FBXO43: variants seen among roughly 807,000 people sequenced by gnomAD.
FBXO43 encodes F-box protein 43, also known as F-box only protein 43.
In FBXO43, 22 loss-of-function variants were observed where a neutral mutation model predicts 56.7. The observed-to-expected ratio is 0.39, with a 90% CI of 0.28 to 0.55. The LOEUF is 0.55. Among genes scored for constraint, FBXO43 ranks in the 20% least tolerant of loss-of-function variants. The pLI is 0.66. For missense variants in FBXO43, 733 were observed against 814.9 expected, an observed-to-expected ratio of 0.90 and a Z score of 1.22; for synonymous variants, 306 against 294.5, an observed-to-expected ratio of 1.04 and a Z score of -0.40.
chr8:100,144,674 G>T (rs1325997031), intron 1 of FBXO43, among the ~76,000 whole-genome samples: 1 of 150,348 alleles, frequency 6.7e-6, no homozygotes, highest in Admixed American at 6.6e-5. Flanking sequence ...GCTCACGCCC[G>T]TAATCCCAGC....
chr8:100,144,764 C>T (rs1201452665), intron 1 of FBXO43, among the ~76,000 whole-genome samples: 19 of 151,636 alleles, frequency 1.3e-4, no homozygotes, highest in East Asian at 1.9e-4. Flanking sequence ...ACCCCGTCTC[C>T]ACTAAAAATA....
chr8:100,137,580 C>A lies in FBXO43; in HGVS notation c.1659G>T (p.Leu553=). ...NRRRKFYITQ[L]KTDSEGAVLN... is the part of the protein sequence containing the mutation. Reference sequence around the variant, plus strand: ...CATACATTACCTCAGAATCTGTTTTCAGTTGTGTGATATAAAATTTCCTCC... The same window carrying A: ...CATACATTACCTCAGAATCTGTTTTAAGTTGTGTGATATAAAATTTCCTCC... The change falls in exon 3 of 5, where the codon CTG becomes CTT. Residue 553 remains leucine, a synonymous_variant. Transcript: ENST00000428847. 6.2e-7 allele frequency: 1 copy of A among 1,607,908 alleles called. No homozygotes were observed. Among genetic ancestry groups the A allele is most frequent in the South Asian group, 1.1e-5 (1 of 90,766 alleles).
chr8:100,141,124 T>TAGAC lies in FBXO43; in HGVS notation c.1129_1130insGTCT (p.His377ArgfsTer31). ...GGACAGTCTTCTCGACCTTCCAAGA[T>TAGAC]GTCTTGTCTTTCTTATGGTGTCCCC... On this transcript the variant is annotated frameshift_variant, in exon 2 of 5. Coordinates refer to ENST00000428847, the MANE Select transcript of FBXO43 (RefSeq NM_001029860.4). LOFTEE classifies it high-confidence loss of function. 3 of 1,614,216 alleles carry TAGAC rather than the reference T, an allele frequency of 1.9e-6. No homozygotes were observed. In the South Asian group the frequency reaches 3.3e-5, roughly 18 times the overall value.
chr8:100,134,512 A>G, intron 3 of FBXO43, 148 bp from the exon 4 acceptor site: 1 of 514,548 alleles, frequency 1.9e-6, no homozygotes, highest in East Asian at 3.4e-5. Flanking sequence ...AAAAAAAACA[A>G]ACAAAACAAA....
At chr8:100,135,552 T>G (rs919872880) in intron 3 of FBXO43, among the ~76,000 whole-genome samples, 1 of 152,066 alleles carries the variant, frequency 6.6e-6, no homozygotes, top group Non-Finnish European at 1.5e-5. Flanking sequence ...GGGGGAAAAG[T>G]ACAGTTCTTT....
rs542036622 is a variant in FBXO43, at chr8:100,134,510, C to A, written c.1675-146G>T. On this transcript the variant is annotated intron_variant, in intron 3 of 4. Transcript: ENST00000428847. ...GGCTGTTCCTTTTCAGAAAAAAAAA[C>A]AAACAAAACAAAAAACCAACCTTTT... 403 of 508,422 alleles carry A rather than the reference C, an allele frequency of 7.9e-4. 2 individuals are homozygous for A. Among genetic ancestry groups the A allele is most frequent in the African/African-American group, 6.9e-3 (347 of 50,072 alleles). 31.5% of individuals were successfully genotyped at this position (508,422 alleles called of 1,614,324 possible).
At chr8:100,142,293 A>G (rs1014053338) in intron 1 of FBXO43, 125 bp from the exon 2 acceptor site, 70 of 967,542 alleles carry the variant, frequency 7.2e-5, no homozygotes, top group Non-Finnish European at 9.6e-5. Context: ...TTGAAAAGTT[A>G]CTTTAAAAAA....
rs1191665762 is a variant in FBXO43 at position 100,144,910 on chromosome 8, C to T, written c.85+141G>A. 32 of 1,020,224 alleles carry T rather than the reference C, an allele frequency of 3.1e-5. No individual in the cohort carries two copies. The African/African-American group carries it at 4.9e-4, about 16-fold the overall frequency. 63.2% of individuals were successfully genotyped at this position (1,020,224 alleles called of 1,614,324 possible). ...TCGCGCCACTGCACTCCAGCCTGGG[C>T]GACAGAGCGACTCCGTCTCAAAAAA... On this transcript the variant is annotated intron_variant, in intron 1 of 4. Transcript: ENST00000428847.
At chr8:100,143,564 A>G (rs1259897792) in intron 1 of FBXO43, among the ~76,000 whole-genome samples, 3 of 152,242 alleles carry the variant, frequency 2.0e-5, no homozygotes, top group Non-Finnish European at 4.4e-5. Context: ...ACTTCTGCAC[A>G]TGGTCACAAA....
rs376208771 is a variant in FBXO43 at position 100,133,898 on chromosome 8, C to T, written c.2031G>A (p.Gly677=). 1 of 1,614,016 alleles carries T rather than the reference C, an allele frequency of 6.2e-7. No individual in the cohort carries two copies. The highest frequency in any genetic ancestry group is 8.5e-7 in the Non-Finnish European group (1 of 1,180,034). ...CTGCTCCTCTACTACATTCTTCAGA[C>T]CCATGATAAGCACACAGACATAACA... ...FCVLCLCAYH[G]SEECSRGAAK... The change falls in exon 5 of 5, where the codon GGG becomes GGA. Residue 677 remains glycine, a synonymous_variant. Transcript: ENST00000428847.
chr8:100,143,430 A>G (rs555936559), intron 1 of FBXO43, among the ~76,000 whole-genome samples: 2 of 152,236 alleles, frequency 1.3e-5, no homozygotes, highest in Non-Finnish European at 2.9e-5. Context: ...TGGTTTGATG[A>G]TCATTAAAAG....
At position 100,142,078 on chromosome 8, in the gene FBXO43, G is replaced by A. The variant is rs772840163; in HGVS notation, c.176C>T (p.Ser59Phe). The change falls in exon 2 of 5, where the codon TCC (serine) becomes TTC (phenylalanine). Residue 59 changes from serine (S) to phenylalanine (F), a missense_variant. Transcript: ENST00000428847. ...AAAATCTCTGAAGGTGGAGTACTTG[G>A]AGTTGACAATTGGAGGAGAGTCCGC... ...NGADSPPIVN[S>F]KYSTFRDFCS... 37 of 1,613,666 alleles carry A rather than the reference G, an allele frequency of 2.3e-5. 1 individual carries two copies. The South Asian group carries it at 3.8e-4, about 17-fold the overall frequency.
chr8:100,134,653 C>A (rs920942898), intron 3 of FBXO43, among the ~76,000 whole-genome samples: 47 of 150,508 alleles, frequency 3.1e-4, no homozygotes, highest in Middle Eastern at 3.4e-3. Flanking sequence ...GTTCAGCAAA[C>A]CTTTCCTGCA....
In FBXO43 at chr8:100,140,717, C is replaced by T; in HGVS notation, c.1537G>A (p.Val513Ile). 1.2e-6 allele frequency: 2 copies of T among 1,610,806 alleles called. No homozygotes were observed. Among genetic ancestry groups the T allele is most frequent in the Non-Finnish European group, 1.7e-6 (2 of 1,178,582 alleles). The change falls in exon 2 of 5, where the codon GTT becomes ATT. Residue 513 changes from valine to isoleucine, a missense_variant. By Grantham distance (29) the Val-to-Ile change is conservative. Transcript: ENST00000428847. ...YRNLKHILAM[V>I]LESLTAESLC... ...CTCTCTGCGGTCAAGGACTCTAAAA[C>T]CATAGCAAGAATATGCTTTAAATTT...
chr8:100,141,841 G>T lies in FBXO43; in HGVS notation c.413C>A (p.Thr138Asn), dbSNP rs182600011. ...CILPRKEKDK[T>N]PELCETPKIS... ...TTTAGGTGTTTCACAAAGTTCTGGGGTTTTATCCTTTTCCTTTCTAGGCAA... is the reference window on the plus strand; with the variant it reads ...TTTAGGTGTTTCACAAAGTTCTGGGTTTTTATCCTTTTCCTTTCTAGGCAA... The change falls in exon 2 of 5, where the codon ACC becomes AAC. Residue 138 changes from threonine to asparagine, a missense_variant. Thr to Asn is a moderately conservative substitution (Grantham distance 65, BLOSUM62 0). Transcript: ENST00000428847. 1.2e-5 allele frequency: 19 copies of T among 1,590,468 alleles called. No individual in the cohort carries two copies. In the African/African-American group the frequency reaches 2.0e-4, roughly 17 times the overall value.
rs1814679670 is a variant in FBXO43, at chr8:100,142,093, G to GGA, written c.159_160dup (p.Pro54LeufsTer29). 1 of 1,612,658 alleles carries GGA rather than the reference G, an allele frequency of 6.2e-7. No homozygotes were observed. Among genetic ancestry groups the GGA allele is most frequent in the Non-Finnish European group, 8.5e-7 (1 of 1,179,530 alleles). On this transcript the variant is annotated frameshift_variant, in exon 2 of 5. Transcript: ENST00000428847. LOFTEE classifies it high-confidence loss of function. The stretch of plus-strand genomic sequence containing the variant: ...GGAGTACTTGGAGTTGACAATTGGA[G>GGA]GAGAGTCCGCCCCATTTCCTGCTTC...
At chr8:100,138,621 G>C (rs1814546030) in intron 2 of FBXO43, among the ~76,000 whole-genome samples, 1 of 152,198 alleles carries the variant, frequency 6.6e-6, no homozygotes, top group South Asian at 2.1e-4. Context: ...CTGTATGTTT[G>C]GAGAGATGGG....
upstream of FBXO43, among the ~76,000 whole-genome samples, chr8:100,148,048 A>C (rs1814862897): frequency 6.6e-6 from 1 of 152,068 alleles, no homozygotes. Context: ...ACCTTCTAAA[A>C]TCCCATATTA....
chr8:100,139,216 A>T (rs974148081), intron 2 of FBXO43, among the ~76,000 whole-genome samples: 1 of 152,152 alleles, frequency 6.6e-6, no homozygotes, highest in Non-Finnish European at 1.5e-5. Flanking sequence ...CAGCTAAGAA[A>T]TCCTACAGTT....
Sources: allele counts gnomAD v4.1 joint callset (sites outside exome capture counted in the v4.1 genomes callset), GRCh38; gene constraint gnomAD v4.1.1; transcripts MANE v1.5; gene names NCBI Gene and HGNC (gene_info 2026-07-23, HGNC 2026-07-21).